Variants in NFIX observed in about 807,000 individuals in gnomAD.
NFIX encodes nuclear factor 1 X-type.
A neutral mutation model predicts 53.3 loss-of-function variants in NFIX; 2 were observed. The observed-to-expected ratio is 0.04, with a 90% CI of 0.02 to 0.12. The LOEUF is 0.12. NFIX is among the 10% of genes least tolerant of loss of function. The probability of loss-of-function intolerance (pLI) is 1.00; values close to 1 mark genes in which losing one functional copy is unlikely to be tolerated. For missense variants in NFIX, 310 were observed against 674.5 expected, an observed-to-expected ratio of 0.46 and a Z score of 5.99; for synonymous variants, 244 against 289.0, an observed-to-expected ratio of 0.84 and a Z score of 1.58.
intron 2 of NFIX, among the ~76,000 whole-genome samples, chr19:13,055,470 C>T (rs8103173): frequency 2.1e-4 from 32 of 152,196 alleles, no homozygotes; most frequent in Non-Finnish European, 3.5e-4. Flanking sequence ...GCCTCTGGTG[C>T]GAGGGCCGGC....
rs567481568 is a variant in NFIX, at chr19:13,089,006, G to A, written c.1402+870G>A. On this transcript the variant is annotated intron_variant, in intron 9 of 10. Transcript: ENST00000592199. This position sits in a 1 kb window ranked among gnomAD's most constrained non-coding sequence, Gnocchi z 4.8. ...GGTGGGCAGCTCTGGGGGTGGGCAG[G>A]CCACAGGCCAGGGCAGTTCGGTGGC... Among the ~76,000 whole-genome samples the A allele has an allele frequency of 6.6e-6, 1 of 152,126 alleles. No individual in the cohort carries two copies. The highest frequency in any genetic ancestry group is 2.1e-4 in the South Asian group (1 of 4,824).
chr19:13,070,311 C>T (rs1483933089), intron 2 of NFIX: 3 of 152,362 alleles, frequency 2.0e-5, no homozygotes, highest in Non-Finnish European at 4.4e-5. Context: ...GCGGCCCTAT[C>T]GGGGCAGGGG....
Position 13,068,843 on chromosome 19 carries a change from C to A in NFIX, c.560-4204C>A, listed in dbSNP as rs1156683419. On this transcript the variant is annotated intron_variant, in intron 2 of 10. Transcript: ENST00000592199. The surrounding 1 kb of genome is among the most constrained non-coding windows in gnomAD (Gnocchi z 4.2). ...AGTAGCCCAGGTCCCCAGAGAAGGA[C>A]AGCCCGCAGAGCTGCGTGTTTGTGT... 6.6e-6 allele frequency among the ~76,000 whole-genome samples: 1 copy of A among 152,236 alleles called. No individual in the cohort carries two copies. Among genetic ancestry groups the A allele is most frequent in the South Asian group, 2.1e-4 (1 of 4,834 alleles).
At chr19:13,050,627 A>G (rs887435621) in intron 2 of NFIX, among the ~76,000 whole-genome samples, 4 of 152,100 alleles carry the variant, frequency 2.6e-5, no homozygotes, top group Non-Finnish European at 1.5e-5. Flanking sequence ...ACCCACACAG[A>G]TTTGTATGTC....
rs946757133 is a variant in NFIX at position 13,006,467 on chromosome 19, C to T, written c.27+10603C>T. Among the ~76,000 whole-genome samples the T allele has an allele frequency of 6.6e-6, 1 of 152,222 alleles. No individual in the cohort carries two copies. Among genetic ancestry groups the T allele is most frequent in the Admixed American group, 6.5e-5 (1 of 15,286 alleles). On this transcript the variant is annotated intron_variant, in intron 1 of 10. Transcript: ENST00000592199. The surrounding 1 kb of genome is among the most constrained non-coding windows in gnomAD (Gnocchi z 5.6). ...AAATCTGGGGACAAGATGGCCGAGG[C>T]CTTTCCTTTACAGAAACTGGGGCTT...
intron 2 of NFIX, among the ~76,000 whole-genome samples, chr19:13,057,257 G>A (rs976423270): frequency 1.1e-4 from 16 of 152,202 alleles, no homozygotes; most frequent in Non-Finnish European, 2.4e-4. Flanking sequence ...AAGTTCTGAC[G>A]GCTGTGCCTG....
rs550256951 is a variant in NFIX at position 13,012,870 on chromosome 19, A to G, written c.28-12151A>G. Among the ~76,000 whole-genome samples the G allele has an allele frequency of 4.6e-5, 7 of 151,940 alleles. No homozygotes were observed. In the South Asian group the frequency reaches 1.0e-3, roughly 23 times the overall value. ...CGGTTTCCGAGGAGCCTCACCTTCAATCCCCGAGCCTTCTCTTTTGGGGGA... is the reference window on the plus strand; with the variant it reads ...CGGTTTCCGAGGAGCCTCACCTTCAGTCCCCGAGCCTTCTCTTTTGGGGGA... On this transcript the variant is annotated intron_variant, in intron 1 of 10. Coordinates refer to ENST00000592199, the MANE Select transcript of NFIX (RefSeq NM_001365902.3). This position sits in a 1 kb window ranked among gnomAD's most constrained non-coding sequence, Gnocchi z 5.0.
intron 1 of NFIX, among the ~76,000 whole-genome samples, chr19:13,016,040 ATTTC>A (rs2012649294): frequency 6.6e-6 from 1 of 152,152 alleles, no homozygotes; most frequent in Non-Finnish European, 1.5e-5. Context: ...GAAAATGTTT[ATTTC>A]TTAATCTGGG....
intron 2 of NFIX, among the ~76,000 whole-genome samples, chr19:13,064,662 G>T (rs1344041639): frequency 6.6e-6 from 1 of 152,118 alleles, no homozygotes; most frequent in Non-Finnish European, 1.5e-5. Flanking sequence ...GTGGTCCCTG[G>T]GTCAAGACAC....
chr19:13,059,263 G>A (rs1309068191), intron 2 of NFIX, among the ~76,000 whole-genome samples: 1 of 152,190 alleles, frequency 6.6e-6, no homozygotes. Context: ...AATTCCAGCC[G>A]CTGCTGCTCC....
intron 2 of NFIX, among the ~76,000 whole-genome samples, chr19:13,044,993 G>A (rs1266295476): frequency 6.6e-6 from 1 of 152,204 alleles, no homozygotes; most frequent in Non-Finnish European, 1.5e-5. Context: ...CAGGCTGTGG[G>A]ATGACACGGG....
chr19:13,086,960 C>T (rs140146515), intron 8 of NFIX, among the ~76,000 whole-genome samples: 128 of 152,340 alleles, frequency 8.4e-4, no homozygotes, highest in African/African-American at 2.8e-3. Flanking sequence ...GTCTCGCATC[C>T]GGGTGCCCGG....
At position 12,998,547 on chromosome 19, in the gene NFIX, G is replaced by A. The variant is rs1267131055; in HGVS notation, c.27+2683G>A. Among the ~76,000 whole-genome samples, 1 of 151,902 alleles carries A rather than the reference G, an allele frequency of 6.6e-6. No individual in the cohort carries two copies. The highest frequency in any genetic ancestry group is 2.4e-5 in the African/African-American group (1 of 41,330). On this transcript the variant is annotated intron_variant, in intron 1 of 10. Transcript: ENST00000592199. This position sits in a 1 kb window ranked among gnomAD's most constrained non-coding sequence, Gnocchi z 4.4. ...CCTGGAGCTGCTGGAGTCCATTGTAGCCACAGTCCTGAGTCTCAGGCGGAG... is the reference window on the plus strand; with the variant it reads ...CCTGGAGCTGCTGGAGTCCATTGTAACCACAGTCCTGAGTCTCAGGCGGAG...
chr19:13,032,995 C>T lies in NFIX; in HGVS notation c.559+7443C>T, dbSNP rs143796985. 3.3e-5 allele frequency among the ~76,000 whole-genome samples: 5 copies of T among 152,098 alleles called. No homozygotes were observed. In the East Asian group the frequency reaches 9.7e-4, roughly 29 times the overall value. On this transcript the variant is annotated intron_variant, in intron 2 of 10. Transcript: ENST00000592199. ...CGAGACTCAGGCAGGTGGTCACGGG[C>T]ATCAGCAACAGGGAAGTGTGCCCAT...
rs533013202 is a variant in NFIX at position 13,022,296 on chromosome 19, T to TGTGC, written c.28-2721_28-2718dup. On this transcript the variant is annotated intron_variant, in intron 1 of 10. Coordinates refer to ENST00000592199, the MANE Select transcript of NFIX (RefSeq NM_001365902.3). This position sits in a 1 kb window ranked among gnomAD's most constrained non-coding sequence, Gnocchi z 4.5. The stretch of plus-strand genomic sequence containing the variant: ...GCATCCCTCGTCACCGCTAATGGAG[T>TGTGC]GTGCGTGGCTGGGTGTGGGCCGAAG... Among the ~76,000 whole-genome samples, 18 of 151,824 alleles carry TGTGC rather than the reference T, an allele frequency of 1.2e-4. No homozygotes were observed. The highest frequency in any genetic ancestry group is 5.2e-4 in the Admixed American group (8 of 15,256).
rs1386765098 is a variant in NFIX, at chr19:13,002,639, G to C, written c.27+6775G>C. Among the ~76,000 whole-genome samples, 1 of 152,200 alleles carries C rather than the reference G, an allele frequency of 6.6e-6. No individual in the cohort carries two copies. The highest frequency in any genetic ancestry group is 1.5e-5 in the Non-Finnish European group (1 of 68,018). On this transcript the variant is annotated intron_variant, in intron 1 of 10. Coordinates refer to ENST00000592199, the MANE Select transcript of NFIX (RefSeq NM_001365902.3). The surrounding 1 kb of genome is among the most constrained non-coding windows in gnomAD (Gnocchi z 6.1). ...TGGTGGGGCTGGCAGGCCTCTGTGA[G>C]GCGCAGCTGTGCCCAGAACTCCAAG...
In NFIX at chr19:13,094,718, A is replaced by G. The variant is rs1021911618; in HGVS notation, c.*69A>G. On this transcript the variant is annotated 3_prime_UTR_variant, in exon 11 of 11. Transcript: ENST00000592199. This position sits in a 1 kb window ranked among gnomAD's most constrained non-coding sequence, Gnocchi z 4.3. ...TCGAAAGGGGGGAGAAGAAATTTTG[A>G]GAATGGAAAAATCCCCCAGCCCAGC... The G allele has an allele frequency of 3.8e-5, 56 of 1,487,856 alleles. 1 individual carries two copies. In the East Asian group the frequency reaches 1.3e-3, roughly 33 times the overall value. 92.2% of individuals were successfully genotyped at this position (1,487,856 alleles called of 1,614,324 possible).
In NFIX at chr19:13,025,329, C is replaced by A; in HGVS notation, c.336C>A (p.Gly112=). ...CCVLSNPDQK[G]KIRRIDCLRQ... ...TGCTCTCCAACCCCGACCAGAAGGG[C>A]AAGATCCGGCGGATTGACTGCCTGC... The change falls in exon 2 of 11, where the codon GGC becomes GGA. Residue 112 remains glycine (G), a synonymous_variant. Transcript: ENST00000592199. This position sits in a 1 kb window ranked among gnomAD's most constrained non-coding sequence, Gnocchi z 7.5. The A allele has an allele frequency of 1.2e-6, 2 of 1,614,118 alleles. No individual in the cohort carries two copies. Among genetic ancestry groups the A allele is most frequent in the Non-Finnish European group, 1.7e-6 (2 of 1,179,950 alleles).
chr19:13,051,441 G>A lies in NFIX; in HGVS notation c.560-21606G>A, dbSNP rs534387204. 2.0e-5 allele frequency among the ~76,000 whole-genome samples: 3 copies of A among 152,310 alleles called. No individual in the cohort carries two copies. The highest frequency in any genetic ancestry group is 2.1e-4 in the South Asian group (1 of 4,828). ...CCTGACAGCATTGCACAAGTCAGCCGTCCTGCAAGGTGGCTCTTTGCTGCT... is the reference window on the plus strand; with the variant it reads ...CCTGACAGCATTGCACAAGTCAGCCATCCTGCAAGGTGGCTCTTTGCTGCT... On this transcript the variant is annotated intron_variant, in intron 2 of 10. Transcript: ENST00000592199. This position sits in a 1 kb window ranked among gnomAD's most constrained non-coding sequence, Gnocchi z 5.1.
Sources: allele counts gnomAD v4.1 joint callset (sites outside exome capture counted in the v4.1 genomes callset), GRCh38; gene constraint gnomAD v4.1.1; non-coding constraint Gnocchi (gnomAD v3.1); transcripts MANE v1.5; gene names NCBI Gene and HGNC (gene_info 2026-07-23, HGNC 2026-07-21).